The following CALN1 variants were observed in gnomAD, a reference collection of about 807,000 sequenced individuals.
The protein encoded by CALN1 is calcium-binding protein 8.
Under a neutral mutation model 30.6 loss-of-function variants are expected in CALN1, and 17 were observed. That is an observed-to-expected ratio of 0.56 (90% CI 0.38 to 0.83). The LOEUF is 0.83. Ranked by LOEUF, CALN1 falls within the 40% of genes least tolerant of loss-of-function variation. The pLI is 0.00. For missense variants in CALN1, 291 were observed against 354.9 expected, an observed-to-expected ratio of 0.82 and a Z score of 1.45; for synonymous variants, 156 against 131.4, an observed-to-expected ratio of 1.19 and a Z score of -1.28.
chr7:72,424,070 A>G (rs1037274923), intron 1 of CALN1, among the ~76,000 whole-genome samples: 1 of 151,542 alleles, frequency 6.6e-6, no homozygotes, highest in African/African-American at 2.4e-5. Flanking sequence ...ATGCACCTGA[A>G]TTTGTACCTT....
chr7:72,043,222 A>G (rs896613822), intron 4 of CALN1, among the ~76,000 whole-genome samples: 3 of 152,150 alleles, frequency 2.0e-5, no homozygotes, highest in African/African-American at 7.2e-5. Context: ...TTTTACATTC[A>G]GCAGGCTCTC....
intron 1 of CALN1, among the ~76,000 whole-genome samples, chr7:72,440,511 CT>C (rs1808312935): frequency 1.3e-5 from 2 of 152,154 alleles, no homozygotes; most frequent in Non-Finnish European, 2.9e-5. Context: ...CATAGTGAGA[CT>C]TTGTCTCTCA....
intron 5 of CALN1, among the ~76,000 whole-genome samples, chr7:71,903,852 A>C (rs1761029171): frequency 6.6e-6 from 1 of 152,216 alleles, no homozygotes; most frequent in South Asian, 2.1e-4. Flanking sequence ...CTCCATTGGA[A>C]GAAAACAAAA....
chr7:72,199,852 A>C (rs1423137237), intron 3 of CALN1, among the ~76,000 whole-genome samples: 1 of 151,954 alleles, frequency 6.6e-6, no homozygotes, highest in African/African-American at 2.4e-5. Flanking sequence ...AACAACAACA[A>C]AATCCACAAC....
intron 5 of CALN1, among the ~76,000 whole-genome samples, chr7:71,891,067 TA>T (rs1189156468): frequency 1.3e-5 from 2 of 152,132 alleles, no homozygotes; most frequent in African/African-American, 4.8e-5. Flanking sequence ...ACTTTCAACC[TA>T]AATGTCTACC....
chr7:72,265,826 G>A (rs1796558360), intron 3 of CALN1, among the ~76,000 whole-genome samples: 1 of 151,978 alleles, frequency 6.6e-6, no homozygotes, highest in East Asian at 1.9e-4. Context: ...TAGATCACCT[G>A]TTGGGAAGGC....
intron 1 of CALN1, among the ~76,000 whole-genome samples, 151 bp downstream of exon 1, chr7:72,411,907 A>C (rs1431223093): frequency 1.3e-5 from 2 of 152,230 alleles, no homozygotes; most frequent in Admixed American, 1.3e-4. Context: ...GAGGTATCAT[A>C]AACCGATAAA....
intron 2 of CALN1, among the ~76,000 whole-genome samples, chr7:72,289,533 T>A (rs1798329048): frequency 6.6e-6 from 1 of 152,200 alleles, no homozygotes; most frequent in Non-Finnish European, 1.5e-5. Flanking sequence ...TTTTCCATTT[T>A]CATGGTGAAA....
chr7:72,333,216 C>T (rs1248732138), intron 2 of CALN1, among the ~76,000 whole-genome samples: 1 of 152,216 alleles, frequency 6.6e-6, no homozygotes, highest in Non-Finnish European at 1.5e-5. Context: ...CCTTGCCTAG[C>T]TACCATCCAT....
intron 3 of CALN1, among the ~76,000 whole-genome samples, chr7:72,127,052 AG>A (rs1374064960): frequency 6.6e-6 from 1 of 151,860 alleles, no homozygotes; most frequent in East Asian, 2.0e-4. Flanking sequence ...CCCAAAGGAG[AG>A]GAAGTAGTGT....
At position 71,954,234 on chromosome 7, in the gene CALN1, G is replaced by A. The variant is rs1434738681; in HGVS notation, c.501+69423C>T. On this transcript the variant is annotated intron_variant, in intron 5 of 6. Coordinates refer to ENST00000395275, the MANE Select transcript of CALN1 (RefSeq NM_031468.4). ...TAGCGCTTTGGGAGGCCGAGGGGCT[G>A]ATCATGTGAGGTCAGGAGTTCAAGA... Among the ~76,000 whole-genome samples, 11 of 152,200 alleles carry A rather than the reference G, an allele frequency of 7.2e-5. No homozygotes were observed. The East Asian group carries it at 2.1e-3, about 30-fold the overall frequency.
chr7:72,186,773 T>C (rs920258604), intron 3 of CALN1, among the ~76,000 whole-genome samples: 2 of 152,158 alleles, frequency 1.3e-5, no homozygotes, highest in African/African-American at 2.4e-5. Context: ...TAGTATTCTA[T>C]GGCGCACATG....
In CALN1 at chr7:71,781,054, C is replaced by T. The variant is rs970447259; in HGVS notation, c.*6721G>A. ...CAAAAGAGAGACTTTATCACAACTG[C>T]CTCTTGGGACTTGTGTTCAAAAAGG... On this transcript the variant is annotated 3_prime_UTR_variant, in exon 7 of 7. Coordinates refer to ENST00000395275, the MANE Select transcript of CALN1 (RefSeq NM_031468.4). 1.8e-4 allele frequency: 28 copies of T among 152,198 alleles called. No homozygotes were observed. Among genetic ancestry groups the T allele is most frequent in the African/African-American group, 6.8e-4 (28 of 41,434 alleles). 9.4% of individuals were successfully genotyped at this position (152,198 alleles called of 1,614,324 possible). A position where few individuals can be genotyped will look rare whatever the true frequency, so the allele number is the denominator to read the frequency against.
At chr7:72,347,854 C>T (rs758270999) in intron 2 of CALN1, among the ~76,000 whole-genome samples, 5 of 152,086 alleles carry the variant, frequency 3.3e-5, no homozygotes, top group Admixed American at 6.5e-5. Flanking sequence ...GGCAGTAGGG[C>T]GAGGTGGCTC....
chr7:72,066,948 A>AT (rs548362102), intron 4 of CALN1, among the ~76,000 whole-genome samples: 3,964 of 144,846 alleles, frequency 0.027, 158 homozygotes, highest in African/African-American at 0.085. Context: ...TGCCCAGCTA[A>AT]TTTTTTTTTT....
intron 3 of CALN1, among the ~76,000 whole-genome samples, chr7:72,185,691 G>T (rs1279905682): frequency 6.6e-6 from 1 of 152,192 alleles, no homozygotes; most frequent in Admixed American, 6.5e-5. Flanking sequence ...CACAGTGGGA[G>T]ATAATTGAAT....
intron 3 of CALN1, among the ~76,000 whole-genome samples, chr7:72,215,980 C>T (rs533467270): frequency 1.3e-5 from 2 of 152,106 alleles, no homozygotes; most frequent in African/African-American, 4.8e-5. Context: ...ATCTGAGACT[C>T]CTCCTGTTCA....
intron 2 of CALN1, among the ~76,000 whole-genome samples, chr7:72,295,007 G>T (rs1798755203): frequency 6.6e-6 from 1 of 151,286 alleles, no homozygotes; most frequent in Non-Finnish European, 1.5e-5. Context: ...TAAAAAGTTG[G>T]TCTACCACAG....
intron 2 of CALN1, among the ~76,000 whole-genome samples, chr7:72,322,847 T>C (rs1010326413): frequency 3.3e-5 from 5 of 151,254 alleles, no homozygotes; most frequent in African/African-American, 1.2e-4. Context: ...TTTGAGGGGA[T>C]GGATATACCC....
Sources: allele counts gnomAD v4.1 joint callset (sites outside exome capture counted in the v4.1 genomes callset), GRCh38; gene constraint gnomAD v4.1.1; transcripts MANE v1.5; gene names NCBI Gene and HGNC (gene_info 2026-07-23, HGNC 2026-07-21).